NMT2: variants seen among roughly 807,000 people sequenced by gnomAD.
NMT2 encodes N-myristoyltransferase 2.
NMT2 carries 35 observed loss-of-function variants against 65.4 expected under a neutral mutation model. The observed-to-expected ratio is 0.54, with a 90% confidence interval of 0.41 to 0.71. The LOEUF (loss-of-function observed/expected upper bound fraction) is 0.71, where lower values mean the gene tolerates loss of function less well. NMT2 is among the 30% of genes least tolerant of loss of function. The pLI is 0.00. For missense variants in NMT2, 489 were observed against 611.3 expected (o/e 0.80, Z 2.11); for synonymous variants, 226 against 231.8 (o/e 0.98, Z 0.23).
chr10:15,132,728 T>C (rs1352355475), intron 6 of NMT2, 89 bp downstream of exon 6: 18 of 960,506 alleles, frequency 1.9e-5, no homozygotes, highest in African/African-American at 4.9e-5. Flanking sequence ...GCGCTTGGCC[T>C]GCATTCAGTA....
At position 15,139,863 on chromosome 10, in the gene NMT2, C is replaced by CCATA. The variant is rs1434021981; in HGVS notation, c.246+1558_246+1559insTATG. 4.9e-4 allele frequency: 34 copies of CCATA among 69,630 alleles called. 4 individuals carry two copies. Among genetic ancestry groups the CCATA allele is most frequent in the African/African-American group, 1.1e-3 (34 of 29,858 alleles). The allele number at this position is 69,630 out of a possible 1,614,324, so 4.3% of individuals were successfully genotyped here. A position where few individuals can be genotyped will look rare whatever the true frequency, so the allele number is the denominator to read the frequency against. On this transcript the variant is annotated intron_variant, in intron 2 of 11. Transcript: ENST00000378165. ...AAAGCTTGTAGAATGGTAACAACTACTATATATATATATATATATATATAT... is the reference window on the plus strand; with the variant it reads ...AAAGCTTGTAGAATGGTAACAACTACCATATATATATATATATATATATATATAT...
intron 1 of NMT2, among the ~76,000 whole-genome samples, chr10:15,161,684 G>C (rs1044712006): frequency 6.6e-6 from 1 of 152,060 alleles, no homozygotes; most frequent in East Asian, 1.9e-4. Context: ...TATAAAGAAC[G>C]ATGGAAACCC....
intron 3 of NMT2, among the ~76,000 whole-genome samples, chr10:15,134,064 T>C (rs930566657): frequency 3.9e-5 from 6 of 152,134 alleles, no homozygotes; most frequent in African/African-American, 1.4e-4. Context: ...TTTACTGCAT[T>C]TCCACAAACT....
rs139991012 is a variant in NMT2 at position 15,131,348 on chromosome 10, G to A, written c.720-1036C>T. ...TTTTCCTTTTTTGAGATGAGGTCTC[G>A]CTATGTTGACCAGGCTGGTCTCGAC... On this transcript the variant is annotated intron_variant, in intron 6 of 11. Coordinates refer to ENST00000378165, the MANE Select transcript of NMT2 (RefSeq NM_004808.3). Among the ~76,000 whole-genome samples, 1,015 of 146,076 alleles carry A rather than the reference G, an allele frequency of 6.9e-3. 12 individuals are homozygous for A. The highest frequency in any genetic ancestry group is 0.022 in the Middle Eastern group (6 of 274).
At chr10:15,150,802 G>A (rs1450231545) in intron 1 of NMT2, among the ~76,000 whole-genome samples, 4 of 152,184 alleles carry the variant, frequency 2.6e-5, no homozygotes, top group African/African-American at 9.7e-5. Flanking sequence ...TAGCAGCAGA[G>A]GATGCCTAGC....
At chr10:15,155,397 C>T in intron 1 of NMT2, 2 of 611,688 alleles carry the variant, frequency 3.3e-6, no homozygotes, top group South Asian at 1.8e-5. Context: ...GAGATTGGGT[C>T]TCACTCTGTC....
rs188358131 is a variant in NMT2, at chr10:15,154,824, G to A, written c.111-13267C>T. 1.2e-5 allele frequency: 9 copies of A among 771,668 alleles called. No individual in the cohort carries two copies. In the East Asian group the frequency reaches 2.5e-4, roughly 21 times the overall value. 47.8% of individuals were successfully genotyped at this position (771,668 alleles called of 1,614,324 possible). A position where few individuals can be genotyped will look rare whatever the true frequency, so the allele number is the denominator to read the frequency against. ...TTAGAGTTGTCCACAGTCAGCAGTG[G>A]TGATCTTCTTCCTGCTCTTGCCATT... On this transcript the variant is annotated intron_variant, in intron 1 of 11. Coordinates refer to ENST00000378165, the MANE Select transcript of NMT2 (RefSeq NM_004808.3).
At chr10:15,128,502 C>G in intron 7 of NMT2, 44 bp from the exon 8 acceptor site, 2 of 1,231,644 alleles carry the variant, frequency 1.6e-6, no homozygotes, top group Middle Eastern at 2.3e-4. Context: ...ATTTCTAACT[C>G]TACAAGTTTT....
chr10:15,128,473 A>C lies in NMT2; in HGVS notation c.891-15T>G, dbSNP rs751502330. On this transcript the variant is annotated splice_polypyrimidine_tract_variant and intron_variant, in intron 7 of 11. Coordinates refer to ENST00000378165, the MANE Select transcript of NMT2 (RefSeq NM_004808.3). ...GATGCCAGTATCTGGAATACAATAA[A>C]GGTTTTAAAATCAAATTGATTTCTA... 1 of 1,455,692 alleles carries C rather than the reference A, an allele frequency of 6.9e-7. No homozygotes were observed. The highest frequency in any genetic ancestry group is 9.6e-7 in the Non-Finnish European group (1 of 1,044,354). 90.2% of individuals were successfully genotyped at this position (1,455,692 alleles called of 1,614,324 possible).
Position 15,108,251 on chromosome 10 carries a change from G to A in NMT2, c.*944C>T. 5 of 904,028 alleles carry A rather than the reference G, an allele frequency of 5.5e-6. No individual in the cohort carries two copies. The highest frequency in any genetic ancestry group is 5.3e-6 in the Non-Finnish European group (4 of 757,770). 56.0% of individuals were successfully genotyped at this position (904,028 alleles called of 1,614,324 possible). On this transcript the variant is annotated 3_prime_UTR_variant, in exon 12 of 12. Transcript: ENST00000378165. ...CACCCAGGCTGGAGTGCAGTGGCTC[G>A]ATCTCGGCTCACTGCAACCTCACCT...
chr10:15,147,361 G>A (rs1011468545), intron 1 of NMT2, among the ~76,000 whole-genome samples: 8 of 151,922 alleles, frequency 5.3e-5, no homozygotes, highest in Admixed American at 3.3e-4. Flanking sequence ...CTTCTCATTC[G>A]TATTTTCATG....
At chr10:15,135,493 C>A (rs1846450718) in intron 2 of NMT2, 75 bp from the exon 3 acceptor site, 1 of 1,490,840 alleles carries the variant, frequency 6.7e-7, no homozygotes, top group South Asian at 1.2e-5. Context: ...GCACGTGCAT[C>A]TGCCTCAGAG....
At chr10:15,138,167 C>T (rs1037887163) in intron 2 of NMT2, among the ~76,000 whole-genome samples, 13 of 152,158 alleles carry the variant, frequency 8.5e-5, no homozygotes, top group East Asian at 5.8e-4. Context: ...TGTGCCACCA[C>T]GCCTGGCTAA....
At chr10:15,140,910 C>T in intron 2 of NMT2, 1 of 1,323,688 alleles carries the variant, frequency 7.6e-7, no homozygotes, top group Non-Finnish European at 1.1e-6. Flanking sequence ...ATGTCAGGAA[C>T]TATTTCCCAC....
chr10:15,112,217 T>TACA (rs1554820299), intron 10 of NMT2, among the ~76,000 whole-genome samples: 1 of 7,688 alleles, frequency 1.3e-4, no homozygotes, highest in Non-Finnish European at 2.6e-4. Context: ...TATATATATA[T>TACA]TTTTTTTTTT....
intron 2 of NMT2, 127 bp downstream of exon 2, chr10:15,141,295 A>T: frequency 8.2e-7 from 1 of 1,213,352 alleles, no homozygotes; most frequent in South Asian, 1.4e-5. Context: ...GCTTCCAGTT[A>T]CTAGTGGCAT....
At chr10:15,153,799 G>A (rs899044749) in intron 1 of NMT2, among the ~76,000 whole-genome samples, 15 of 151,822 alleles carry the variant, frequency 9.9e-5, no homozygotes, top group South Asian at 2.1e-4. Flanking sequence ...ACAGGTGCCC[G>A]CCACCACGCC....
At chr10:15,168,422 G>T in intron 1 of NMT2, 81 bp downstream of exon 1, 1 of 1,054,292 alleles carries the variant, frequency 9.5e-7, no homozygotes, top group Non-Finnish European at 1.4e-6. Flanking sequence ...CCCCAGTCCT[G>T]GGAGCCACCC....
intron 8 of NMT2, among the ~76,000 whole-genome samples, chr10:15,126,959 G>A (rs146032183): frequency 1.2e-3 from 179 of 152,340 alleles, no homozygotes; most frequent in African/African-American, 3.7e-3. Context: ...TTGGCTGGGC[G>A]TGGTGGCTCA....
Sources: allele counts gnomAD v4.1 joint callset (sites outside exome capture counted in the v4.1 genomes callset), GRCh38; gene constraint gnomAD v4.1.1; transcripts MANE v1.5; gene names NCBI Gene and HGNC (gene_info 2026-07-23, HGNC 2026-07-21).